The following CIB2 variants were observed in gnomAD, a reference collection of about 807,000 sequenced individuals.
CIB2 encodes the protein calcium and integrin binding family member 2.
A neutral mutation model predicts 23.1 loss-of-function variants in CIB2; 19 were observed. The observed-to-expected ratio is 0.82, with a 90% confidence interval of 0.57 to 1.21. The LOEUF (loss-of-function observed/expected upper bound fraction) is 1.21, where lower values mean the gene tolerates loss of function less well. CIB2 is among the 50% of genes most tolerant of loss of function. The probability of loss-of-function intolerance (pLI) is 0.00; values close to 1 mark genes in which losing one functional copy is unlikely to be tolerated. For missense variants in CIB2, 220 were observed against 241.5 expected (o/e 0.91, Z 0.59); for synonymous variants, 94 against 91.7 (o/e 1.03, Z -0.14).
At chr15:78,118,762 C>G (rs185903401) in intron 2 of CIB2, among the ~76,000 whole-genome samples, 1 of 152,184 alleles carries the variant, frequency 6.6e-6, no homozygotes. Context: ...CAACCATCAC[C>G]ACCACTGATC....
chr15:78,107,741 G>A (rs2074092497), intron 4 of CIB2, among the ~76,000 whole-genome samples: 1 of 152,232 alleles, frequency 6.6e-6, no homozygotes, highest in Non-Finnish European at 1.5e-5. Flanking sequence ...GGTGGAATCT[G>A]AGAAGCTTTT....
intron 1 of CIB2, 105 bp from the exon 2 acceptor site, chr15:78,123,844 G>A (rs2141913661): frequency 7.9e-7 from 1 of 1,263,904 alleles, no homozygotes; most frequent in African/African-American, 1.5e-5. Flanking sequence ...TCCGGACTGG[G>A]GACAGAAGAG....
At chr15:78,123,817 G>C (rs2074349969) in intron 1 of CIB2, 78 bp from the exon 2 acceptor site, 11 of 1,502,026 alleles carry the variant, frequency 7.3e-6, no homozygotes, top group Non-Finnish European at 1.0e-5. Context: ...GATGCCACAG[G>C]GCTCACAGGG....
At chr15:78,110,789 T>C (rs2074147311) in intron 3 of CIB2, 2 of 461,678 alleles carry the variant, frequency 4.3e-6, no homozygotes, top group Non-Finnish European at 8.7e-6. Flanking sequence ...GAAATGATGC[T>C]ATGGATGACC....
intron 1 of CIB2, among the ~76,000 whole-genome samples, chr15:78,128,001 C>T (rs1364202090): frequency 2.0e-5 from 3 of 152,228 alleles, no homozygotes; most frequent in East Asian, 1.9e-4. Flanking sequence ...CCTGGAGCCA[C>T]GCCTTAACAA....
intron 1 of CIB2, among the ~76,000 whole-genome samples, chr15:78,124,310 A>C (rs2074355525): frequency 6.6e-6 from 1 of 151,952 alleles, no homozygotes; most frequent in Admixed American, 6.5e-5. Context: ...TGAAGAGGCC[A>C]GGGAGATATG....
intron 1 of CIB2, among the ~76,000 whole-genome samples, chr15:78,125,716 C>T (rs2074372858): frequency 6.6e-6 from 1 of 152,114 alleles, no homozygotes; most frequent in African/African-American, 2.4e-5. Context: ...AAAAACCCTC[C>T]CAATGATGCT....
chr15:78,105,677 C>A (rs1428293351), intron 5 of CIB2, 62 bp downstream of exon 5: 1 of 1,609,740 alleles, frequency 6.2e-7, no homozygotes, highest in Non-Finnish European at 8.5e-7. Flanking sequence ...GGGGCCTCAG[C>A]CCCAACATCC....
intron 2 of CIB2, among the ~76,000 whole-genome samples, chr15:78,113,681 C>T (rs2074195519): frequency 6.6e-6 from 1 of 152,122 alleles, no homozygotes; most frequent in Non-Finnish European, 1.5e-5. Flanking sequence ...CAGGCGCCTG[C>T]CACAATGCCC....
At chr15:78,110,803 A>G (rs937693142) in intron 3 of CIB2, 30 of 465,164 alleles carry the variant, frequency 6.4e-5, no homozygotes, top group African/African-American at 5.9e-4. Context: ...GATGACCACC[A>G]TGCTGACCTC....
At position 78,128,151 on chromosome 15, in the gene CIB2, G is replaced by A. The variant is rs138505800; in HGVS notation, c.51+3014C>T. On this transcript the variant is annotated intron_variant, in intron 1 of 5. Coordinates refer to ENST00000258930, the MANE Select transcript of CIB2 (RefSeq NM_006383.4). ...TGTGGCCACACAAGGGACTGGGGAT[G>A]TATATGTGTCAGGCTCCCTGAGTAC... Among the ~76,000 whole-genome samples, 710 of 152,364 alleles carry A rather than the reference G, an allele frequency of 4.7e-3. 4 individuals are homozygous for A. Among genetic ancestry groups the A allele is most frequent in the African/African-American group, 0.016 (669 of 41,580 alleles).
At chr15:78,105,524 C>A (rs928225435) in intron 5 of CIB2, 192 bp from the exon 6 acceptor site, 3 of 1,482,970 alleles carry the variant, frequency 2.0e-6, no homozygotes, top group South Asian at 1.4e-5. Context: ...GTTCTGCCCC[C>A]ACTTATCACT....
chr15:78,121,304 G>A (rs1297572779), intron 2 of CIB2, among the ~76,000 whole-genome samples: 1 of 152,176 alleles, frequency 6.6e-6, no homozygotes, highest in Non-Finnish European at 1.5e-5. Context: ...CTCAGGCTTG[G>A]GTTTTGCTCT....
chr15:78,119,925 G>T (rs149720361), intron 2 of CIB2, among the ~76,000 whole-genome samples: 8 of 150,102 alleles, frequency 5.3e-5, no homozygotes, highest in Non-Finnish European at 8.9e-5. Flanking sequence ...TTTTGAGTCA[G>T]AGTCTTGCTC....
intron 2 of CIB2, among the ~76,000 whole-genome samples, chr15:78,113,499 G>T (rs2074189963): frequency 6.6e-6 from 1 of 150,716 alleles, no homozygotes; most frequent in Non-Finnish European, 1.5e-5. Context: ...ACAACCACTT[G>T]TTTCAAAATT....
At chr15:78,129,163 G>A (rs887246746) in intron 1 of CIB2, among the ~76,000 whole-genome samples, 1 of 152,112 alleles carries the variant, frequency 6.6e-6, no homozygotes, top group African/African-American at 2.4e-5. Flanking sequence ...AACCCTAGGT[G>A]TCACTTAGGG....
At position 78,111,019 on chromosome 15, in the gene CIB2, A is replaced by T. The variant is rs147151784; in HGVS notation, c.198+146T>A. On this transcript the variant is annotated intron_variant, in intron 3 of 5. Coordinates refer to ENST00000258930, the MANE Select transcript of CIB2 (RefSeq NM_006383.4). ...TTATTTATTCAGAGTACAGATGAGG[A>T]AACTGAGGCACAGAGAGGTTCTGTG... 8.4e-6 allele frequency: 6 copies of T among 716,512 alleles called. No homozygotes were observed. In the East Asian group the frequency reaches 1.6e-4, roughly 19 times the overall value. The allele number at this position is 716,512 out of a possible 1,614,324, so 44.4% of individuals were successfully genotyped here. A position where few individuals can be genotyped will look rare whatever the true frequency, so the allele number is the denominator to read the frequency against.
intron 1 of CIB2, among the ~76,000 whole-genome samples, chr15:78,126,946 G>C (rs1257026480): frequency 6.6e-6 from 1 of 152,146 alleles, no homozygotes; most frequent in Non-Finnish European, 1.5e-5. Context: ...AAGTGTGGCA[G>C]GGGAAAAGGT....
intron 2 of CIB2, among the ~76,000 whole-genome samples, chr15:78,116,022 C>A (rs966271535): frequency 6.6e-6 from 1 of 151,904 alleles, no homozygotes; most frequent in South Asian, 2.1e-4. Flanking sequence ...ATTGCATCTA[C>A]GCTAAACATG....
Sources: gnomAD v4.1 joint callset for allele counts (sites outside exome capture counted in the v4.1 genomes callset) on GRCh38, gnomAD v4.1.1 for gene constraint, MANE v1.5 for transcripts, NCBI Gene and HGNC (gene_info 2026-07-23, HGNC 2026-07-21) for gene names.